The following CDYL2 variants were observed in gnomAD, a reference collection of about 807,000 sequenced individuals.
CDYL2 encodes chromodomain Y-like protein 2.
CDYL2 carries 23 observed loss-of-function variants against 49.4 expected under a neutral mutation model. That is an observed-to-expected ratio of 0.47 (90% CI 0.34 to 0.66). The LOEUF (loss-of-function observed/expected upper bound fraction) is 0.66. CDYL2 is among the 30% of genes least tolerant of loss of function. The pLI is 0.01. For synonymous variants in CDYL2, 360 were observed against 268.8 expected, an observed-to-expected ratio of 1.34 and a Z score of -3.32; for missense variants, 678 against 656.4, an observed-to-expected ratio of 1.03 and a Z score of -0.36.
intron 1 of CDYL2, among the ~76,000 whole-genome samples, chr16:80,710,028 A>G (rs1046225285): frequency 6.6e-6 from 1 of 151,754 alleles, no homozygotes; most frequent in African/African-American, 2.4e-5. Flanking sequence ...TCCTGTTTCA[A>G]GTGATTCTCC....
chr16:80,655,617 A>G (rs963037892), intron 2 of CDYL2, among the ~76,000 whole-genome samples: 6 of 152,190 alleles, frequency 3.9e-5, no homozygotes, highest in African/African-American at 1.4e-4. Context: ...ATAAGCCATG[A>G]AACTAGCAGA....
intron 4 of CDYL2, among the ~76,000 whole-genome samples, chr16:80,620,264 G>C (rs1427163927): frequency 6.6e-6 from 1 of 152,204 alleles, no homozygotes; most frequent in Non-Finnish European, 1.5e-5. Context: ...ATTAGAAAGG[G>C]GGAAATACTC....
chr16:80,668,761 C>T (rs549626951), intron 2 of CDYL2, among the ~76,000 whole-genome samples: 21 of 151,880 alleles, frequency 1.4e-4, no homozygotes, highest in South Asian at 1.2e-3. Context: ...TAGCCAGGCA[C>T]GGGGGTGGGC....
At chr16:80,698,674 G>C (rs1299704487) in intron 1 of CDYL2, among the ~76,000 whole-genome samples, 1 of 152,052 alleles carries the variant, frequency 6.6e-6, no homozygotes, top group Non-Finnish European at 1.5e-5. Flanking sequence ...TTGTTTCAAA[G>C]TATGTAGCAT....
intron 1 of CDYL2, among the ~76,000 whole-genome samples, chr16:80,780,753 C>T (rs569955608): frequency 2.0e-4 from 31 of 152,092 alleles, no homozygotes; most frequent in Middle Eastern, 3.4e-3. Flanking sequence ...CACATCATTT[C>T]GAATACTATT....
chr16:80,672,079 T>C (rs957980119), intron 2 of CDYL2, among the ~76,000 whole-genome samples: 7 of 152,170 alleles, frequency 4.6e-5, no homozygotes, highest in African/African-American at 1.4e-4. Context: ...AATCTGATAA[T>C]TGAATGCTCC....
intron 2 of CDYL2, among the ~76,000 whole-genome samples, chr16:80,651,713 G>A (rs945955558): frequency 5.9e-5 from 9 of 152,180 alleles, no homozygotes; most frequent in Non-Finnish European, 1.2e-4. Context: ...CGGAAATATG[G>A]TGCCGACATA....
chr16:80,638,395 T>C (rs1004371250), intron 2 of CDYL2, among the ~76,000 whole-genome samples: 1 of 152,190 alleles, frequency 6.6e-6, no homozygotes, highest in Non-Finnish European at 1.5e-5. Context: ...ATTTTTAATA[T>C]GTCAATTCTT....
intron 1 of CDYL2, among the ~76,000 whole-genome samples, chr16:80,791,060 C>T (rs192057947): frequency 2.3e-4 from 35 of 152,282 alleles, no homozygotes; most frequent in Admixed American, 7.2e-4. Flanking sequence ...ACTAAACAGA[C>T]GACTTCAAAA....
chr16:80,649,087 G>T (rs1428627879), intron 2 of CDYL2, among the ~76,000 whole-genome samples: 3 of 152,084 alleles, frequency 2.0e-5, no homozygotes, highest in Non-Finnish European at 4.4e-5. Flanking sequence ...AGCACAACAA[G>T]GATATCCACT....
chr16:80,696,327 C>G (rs1910611635), intron 1 of CDYL2, among the ~76,000 whole-genome samples: 1 of 151,764 alleles, frequency 6.6e-6, no homozygotes, highest in Non-Finnish European at 1.5e-5. Context: ...TGATACATCT[C>G]AAGGAACTAG....
At chr16:80,750,830 T>G (rs1175671788) in intron 1 of CDYL2, among the ~76,000 whole-genome samples, 1 of 152,026 alleles carries the variant, frequency 6.6e-6, no homozygotes, top group African/African-American at 2.4e-5. Flanking sequence ...CCATCGTGGC[T>G]AAACAGTGAA....
chr16:80,694,095 G>A (rs1025673097), intron 1 of CDYL2, among the ~76,000 whole-genome samples: 25 of 152,316 alleles, frequency 1.6e-4, no homozygotes, highest in Non-Finnish European at 2.2e-4. Flanking sequence ...CACGACGGGC[G>A]GAATGGTTTT....
chr16:80,672,692 C>A (rs1372625596), intron 2 of CDYL2, among the ~76,000 whole-genome samples: 1 of 152,136 alleles, frequency 6.6e-6, no homozygotes, highest in African/African-American at 2.4e-5. Context: ...AGGCCAGCTG[C>A]CTAACTAACT....
At chr16:80,614,970 T>C (rs900568404) in intron 4 of CDYL2, among the ~76,000 whole-genome samples, 3 of 152,146 alleles carry the variant, frequency 2.0e-5, no homozygotes, top group African/African-American at 7.2e-5. Flanking sequence ...ATCATAATGA[T>C]ATACTGGGAT....
At chr16:80,742,067 A>T (rs1331718627) in intron 1 of CDYL2, 1 of 152,210 alleles carries the variant, frequency 6.6e-6, no homozygotes, top group Non-Finnish European at 1.5e-5. Context: ...AAAATAAGAA[A>T]CAGATCCTAA....
intron 2 of CDYL2, among the ~76,000 whole-genome samples, chr16:80,643,929 A>C (rs1407729196): frequency 6.6e-6 from 1 of 152,218 alleles, no homozygotes; most frequent in Non-Finnish European, 1.5e-5. Context: ...TCAGCTCCTC[A>C]TTACTTATGC....
intron 1 of CDYL2, among the ~76,000 whole-genome samples, chr16:80,748,982 G>C (rs1906036010): frequency 6.6e-6 from 1 of 151,952 alleles, no homozygotes; most frequent in South Asian, 2.1e-4. Context: ...GAACATTGAG[G>C]ATAGAAAAAT....
rs1057177602 is a variant in CDYL2, at chr16:80,602,504, C to G, written c.*1884G>C. On this transcript the variant is annotated 3_prime_UTR_variant, in exon 7 of 7. Transcript: ENST00000570137. The stretch of plus-strand genomic sequence containing the variant: ...TGTCTCTAGATCTGGTGTAGACTAT[C>G]AACGTGTTCTTTGAAACTCAAAGCT... 6 of 152,184 alleles carry G rather than the reference C, an allele frequency of 3.9e-5. No individual in the cohort carries two copies. Among genetic ancestry groups the G allele is most frequent in the African/African-American group, 1.4e-4 (6 of 41,434 alleles). The allele number at this position is 152,184 out of a possible 1,614,324, so 9.4% of individuals were successfully genotyped here.
Sources: gnomAD v4.1 joint callset for allele counts (sites outside exome capture counted in the v4.1 genomes callset) on GRCh38, gnomAD v4.1.1 for gene constraint, MANE v1.5 for transcripts, NCBI Gene and HGNC (gene_info 2026-07-23, HGNC 2026-07-21) for gene names.